Variants in HS3ST5 observed in about 807,000 individuals in gnomAD.
The protein encoded by HS3ST5 is heparan sulfate glucosamine 3-O-sulfotransferase 5.
In HS3ST5, 10 loss-of-function variants were observed where a neutral mutation model predicts 25.4. That is an observed-to-expected ratio of 0.39 (90% CI 0.24 to 0.67). HS3ST5 has a LOEUF of 0.67. HS3ST5 is among the 30% of genes least tolerant of loss of function. The pLI is 0.44. For missense variants in HS3ST5, 324 were observed against 420.7 expected (o/e 0.77, Z 2.01); for synonymous variants, 170 against 162.4 (o/e 1.05, Z -0.36).
Position 114,326,284 on chromosome 6 carries a change from G to T in HS3ST5, c.-339+15911C>A, listed in dbSNP as rs1776171810. Among the ~76,000 whole-genome samples the T allele has an allele frequency of 7.9e-5, 12 of 152,154 alleles. No homozygotes were observed. The South Asian group carries it at 2.5e-3, about 32-fold the overall frequency. The stretch of plus-strand genomic sequence containing the variant: ...GCATGCCTGTAATCCCAGCTACTTG[G>T]GTGGCTGAAGTACAATAATTGCTTG... On this transcript the variant is annotated intron_variant, in intron 1 of 4. Coordinates refer to ENST00000312719, the MANE Select transcript of HS3ST5 (RefSeq NM_153612.4).
At position 114,282,281 on chromosome 6, in the gene HS3ST5, A is replaced by C. The variant is rs180938951; in HGVS notation, c.-338-53503T>G. 2.1e-3 allele frequency among the ~76,000 whole-genome samples: 322 copies of C among 152,076 alleles called. 4 individuals carry two copies. The South Asian group carries it at 0.029, about 14-fold the overall frequency. On this transcript the variant is annotated intron_variant, in intron 1 of 4. Coordinates refer to ENST00000312719, the MANE Select transcript of HS3ST5 (RefSeq NM_153612.4). Reference sequence around the variant, plus strand: ...AACATGCAGCCGCTGGCATCTTTGCATCTTTGAACTCACTATTCCTTTTTC... The same window carrying C: ...AACATGCAGCCGCTGGCATCTTTGCCTCTTTGAACTCACTATTCCTTTTTC...
intron 2 of HS3ST5, among the ~76,000 whole-genome samples, chr6:114,208,773 A>G (rs1781388150): frequency 6.6e-6 from 1 of 152,258 alleles, no homozygotes; most frequent in African/African-American, 2.4e-5. Flanking sequence ...AGCTCTCTCA[A>G]TTTTGAGAAG....
intron 1 of HS3ST5, among the ~76,000 whole-genome samples, chr6:114,303,149 T>G (rs1320605229): frequency 2.6e-5 from 4 of 152,190 alleles, no homozygotes; most frequent in African/African-American, 9.7e-5. Context: ...TACCTAAGCT[T>G]TCAGCTCTAG....
chr6:114,202,406 TC>T (rs1000821827), intron 2 of HS3ST5, among the ~76,000 whole-genome samples: 2 of 152,172 alleles, frequency 1.3e-5, no homozygotes, highest in Non-Finnish European at 2.9e-5. Flanking sequence ...GATTATCTTC[TC>T]CCCTCCCCTC....
intron 3 of HS3ST5, among the ~76,000 whole-genome samples, chr6:114,166,063 C>T (rs1340422199): frequency 6.6e-6 from 1 of 151,214 alleles, no homozygotes; most frequent in Non-Finnish European, 1.5e-5. Context: ...GTAAAAATAC[C>T]TAGAATAAGG....
intron 1 of HS3ST5, among the ~76,000 whole-genome samples, chr6:114,316,323 A>G (rs1775745873): frequency 6.6e-6 from 1 of 152,140 alleles, no homozygotes; most frequent in African/African-American, 2.4e-5. Context: ...CCATATCACT[A>G]CCGGTTGCAA....
chr6:114,307,832 C>T (rs1033213531), intron 1 of HS3ST5, among the ~76,000 whole-genome samples: 4 of 151,690 alleles, frequency 2.6e-5, no homozygotes, highest in African/African-American at 7.3e-5. Flanking sequence ...TTATTATTTA[C>T]CAGTTTCATA....
chr6:114,311,213 A>G (rs1042452096), intron 1 of HS3ST5, among the ~76,000 whole-genome samples: 2 of 152,204 alleles, frequency 1.3e-5, no homozygotes, highest in African/African-American at 4.8e-5. Context: ...ATTACTTTCA[A>G]ATAATAAAAT....
At chr6:114,142,171 C>A (rs1777941077) in intron 3 of HS3ST5, among the ~76,000 whole-genome samples, 1 of 152,048 alleles carries the variant, frequency 6.6e-6, no homozygotes, top group Non-Finnish European at 1.5e-5. Context: ...TGGAGCATCA[C>A]TGTCTGATTA....
At chr6:114,327,962 T>C (rs559374113) in intron 1 of HS3ST5, among the ~76,000 whole-genome samples, 2 of 152,284 alleles carry the variant, frequency 1.3e-5, no homozygotes, top group East Asian at 1.9e-4. Context: ...TGCTTGGAAT[T>C]CCATCAGTAT....
chr6:114,099,863 T>A (rs1318210480), intron 3 of HS3ST5, among the ~76,000 whole-genome samples: 1 of 152,120 alleles, frequency 6.6e-6, no homozygotes, highest in African/African-American at 2.4e-5. Context: ...GCTGCATGAT[T>A]ATTATGACTC....
chr6:114,308,065 A>T (rs948531760), intron 1 of HS3ST5, among the ~76,000 whole-genome samples: 9 of 152,182 alleles, frequency 5.9e-5, no homozygotes, highest in Non-Finnish European at 1.2e-4. Flanking sequence ...TCACAGAGAG[A>T]AAATAAGTAA....
chr6:114,305,650 G>C (rs1775257742), intron 1 of HS3ST5, among the ~76,000 whole-genome samples: 3 of 152,060 alleles, frequency 2.0e-5, no homozygotes, highest in Admixed American at 2.0e-4. Flanking sequence ...GCTTCATCAA[G>C]GACACTCTTA....
At chr6:114,096,755 T>C (rs994865069) in intron 3 of HS3ST5, among the ~76,000 whole-genome samples, 21 of 152,142 alleles carry the variant, frequency 1.4e-4, no homozygotes, top group African/African-American at 4.8e-4. Flanking sequence ...TAAGTGCCAC[T>C]AGGGGGCTCT....
chr6:114,337,400 T>C (rs1019758213), intron 1 of HS3ST5, among the ~76,000 whole-genome samples: 12 of 152,178 alleles, frequency 7.9e-5, no homozygotes, highest in Admixed American at 5.2e-4. Context: ...TGGCAAGTAC[T>C]ATACACCGTA....
intron 2 of HS3ST5, among the ~76,000 whole-genome samples, chr6:114,189,482 T>C (rs950763715): frequency 6.6e-6 from 1 of 152,170 alleles, no homozygotes; most frequent in African/African-American, 2.4e-5. Context: ...TACTGGAGAA[T>C]TCTTATTATT....
intron 2 of HS3ST5, among the ~76,000 whole-genome samples, chr6:114,197,286 A>G (rs1374838321): frequency 1.4e-4 from 21 of 152,026 alleles, no homozygotes; most frequent in Admixed American, 1.3e-3. Flanking sequence ...TTTTGTTGTC[A>G]GTCCCATACA....
chr6:114,224,695 T>TACACACACAC (rs538572462), intron 2 of HS3ST5, among the ~76,000 whole-genome samples: 6 of 105,424 alleles, frequency 5.7e-5, no homozygotes, highest in South Asian at 4.7e-4. Context: ...TACATATATA[T>TACACACACAC]ATATACACAC....
chr6:114,312,226 T>C (rs553810045), intron 1 of HS3ST5, among the ~76,000 whole-genome samples: 1 of 152,342 alleles, frequency 6.6e-6, no homozygotes, highest in South Asian at 2.1e-4. Flanking sequence ...TCTTAAACTT[T>C]TAAAACAAAA....
Sources: allele counts gnomAD v4.1 joint callset (sites outside exome capture counted in the v4.1 genomes callset), GRCh38; gene constraint gnomAD v4.1.1; transcripts MANE v1.5; gene names NCBI Gene and HGNC (gene_info 2026-07-23, HGNC 2026-07-21).